SLC24A3: variants seen among roughly 807,000 people sequenced by gnomAD.
SLC24A3 encodes solute carrier family 24 member 3.
SLC24A3 carries 28 observed loss-of-function variants against 75.8 expected under a neutral mutation model. The ratio of observed to expected loss-of-function variants is 0.37; its 90% CI spans 0.27 to 0.51. The LOEUF is 0.51. SLC24A3 is among the 20% of genes least tolerant of loss of function. The pLI is 0.94. For missense variants in SLC24A3, 663 were observed against 847.8 expected (o/e 0.78, Z 2.71); for synonymous variants, 372 against 334.1 (o/e 1.11, Z -1.24).
intron 2 of SLC24A3, among the ~76,000 whole-genome samples, chr20:19,379,174 T>C (rs781710703): frequency 6.6e-6 from 1 of 152,180 alleles, no homozygotes; most frequent in African/African-American, 2.4e-5. Context: ...TTTCATCATA[T>C]GTCCTGGGCA....
chr20:19,402,877 T>G (rs564324640), intron 2 of SLC24A3, among the ~76,000 whole-genome samples: 2 of 152,352 alleles, frequency 1.3e-5, no homozygotes, highest in East Asian at 3.9e-4. Flanking sequence ...GTGGGCATGG[T>G]CTGCCCCAGT....
rs530339291 is a variant in SLC24A3 at position 19,482,650 on chromosome 20, G to T, written c.272-32838G>T. On this transcript the variant is annotated intron_variant, in intron 2 of 16. Transcript: ENST00000328041. ...TGAATAAATGAGTGAATGATTCAAT[G>T]AATGGAGCAAGCCTGAGATAGCCTC... Among the ~76,000 whole-genome samples, 25 of 152,352 alleles carry T rather than the reference G, an allele frequency of 1.6e-4. 1 individual carries two copies. In the East Asian group the frequency reaches 4.8e-3, roughly 29 times the overall value.
chr20:19,434,626 C>A (rs975449016), intron 2 of SLC24A3, among the ~76,000 whole-genome samples: 2 of 152,198 alleles, frequency 1.3e-5, no homozygotes, highest in African/African-American at 4.8e-5. Context: ...CTACCATTCT[C>A]TTTTTTTCTC....
intron 3 of SLC24A3, among the ~76,000 whole-genome samples, chr20:19,553,979 A>G (rs1195105820): frequency 6.6e-6 from 1 of 152,216 alleles, no homozygotes; most frequent in Non-Finnish European, 1.5e-5. Context: ...CAGAAAAGGC[A>G]GAAATTGACT....
intron 12 of SLC24A3, among the ~76,000 whole-genome samples, chr20:19,688,546 A>G (rs891427336): frequency 1.3e-5 from 2 of 152,252 alleles, no homozygotes; most frequent in Non-Finnish European, 2.9e-5. Context: ...TCCGGCCAGC[A>G]GAGGGCATTG....
intron 3 of SLC24A3, among the ~76,000 whole-genome samples, chr20:19,559,855 A>G (rs1204435813): frequency 6.6e-6 from 1 of 152,136 alleles, no homozygotes; most frequent in East Asian, 1.9e-4. Context: ...CAAACCCTAG[A>G]TGAGGACTTG....
intron 15 of SLC24A3, among the ~76,000 whole-genome samples, chr20:19,715,815 C>T (rs2033039766): frequency 6.6e-6 from 1 of 152,198 alleles, no homozygotes; most frequent in Non-Finnish European, 1.5e-5. Flanking sequence ...AAACAATGCA[C>T]AAATCAACCA....
chr20:19,297,627 G>A (rs1035220381), intron 2 of SLC24A3, among the ~76,000 whole-genome samples: 6 of 152,172 alleles, frequency 3.9e-5, no homozygotes, highest in African/African-American at 1.4e-4. Flanking sequence ...CATACATGTA[G>A]ATACACATCT....
rs141991085 is a variant in SLC24A3 at position 19,441,240 on chromosome 20, G to A, written c.272-74248G>A. On this transcript the variant is annotated intron_variant, in intron 2 of 16. Transcript: ENST00000328041. The stretch of plus-strand genomic sequence containing the variant: ...TGACAAACTCGGTGACCTTGGTTAC[G>A]TTATCTCATCTTCTTGGACCCCGGC... Among the ~76,000 whole-genome samples, 794 of 152,212 alleles carry A rather than the reference G, an allele frequency of 5.2e-3. 3 individuals carry two copies. The highest frequency in any genetic ancestry group is 8.0e-3 in the Non-Finnish European group (546 of 68,006).
At chr20:19,472,929 C>T (rs143365312) in intron 2 of SLC24A3, among the ~76,000 whole-genome samples, 15 of 152,302 alleles carry the variant, frequency 9.8e-5, no homozygotes, top group Admixed American at 3.9e-4. Context: ...CTTGTAAGAA[C>T]GAGGCTGGGA....
At chr20:19,720,864 A>T in intron 16 of SLC24A3, 127 bp from the exon 17 acceptor site, 1 of 973,414 alleles carries the variant, frequency 1.0e-6, no homozygotes, top group Admixed American at 2.9e-5. Context: ...AGGCTCAGAG[A>T]GGATCAGCAC....
At chr20:19,682,870 G>A (rs954674661) in intron 10 of SLC24A3, among the ~76,000 whole-genome samples, 2 of 152,106 alleles carry the variant, frequency 1.3e-5, no homozygotes, top group African/African-American at 4.8e-5. Context: ...AGACACTAAG[G>A]GAAATTAGAT....
At chr20:19,599,924 T>C (rs1050002978) in intron 6 of SLC24A3, among the ~76,000 whole-genome samples, 1 of 152,166 alleles carries the variant, frequency 6.6e-6, no homozygotes, top group Non-Finnish European at 1.5e-5. Context: ...GATTCTTCTA[T>C]GACCCGCGGA....
At chr20:19,219,814 A>G (rs919594325) in intron 1 of SLC24A3, among the ~76,000 whole-genome samples, 1 of 152,228 alleles carries the variant, frequency 6.6e-6, no homozygotes, top group Non-Finnish European at 1.5e-5. Context: ...AAATTAAAAC[A>G]TGGGCTCACA....
intron 3 of SLC24A3, among the ~76,000 whole-genome samples, chr20:19,560,411 G>C (rs193057335): frequency 6.6e-5 from 10 of 152,352 alleles, no homozygotes; most frequent in Admixed American, 3.9e-4. Context: ...CATGGGCTGA[G>C]AAAAGTTCTC....
intron 2 of SLC24A3, among the ~76,000 whole-genome samples, chr20:19,432,023 G>A (rs6046088): frequency 0.092 from 13,918 of 152,020 alleles, 1,858 homozygotes; most frequent in African/African-American, 0.29. Flanking sequence ...AGTGACTCAG[G>A]GGGAAGATGC....
At position 19,652,658 on chromosome 20, in the gene SLC24A3, G is replaced by A. The variant is rs185911376; in HGVS notation, c.613-1404G>A. Among the ~76,000 whole-genome samples, 433 of 152,314 alleles carry A rather than the reference G, an allele frequency of 2.8e-3. 1 individual carries two copies. The highest frequency in any genetic ancestry group is 9.4e-3 in the African/African-American group (389 of 41,580). On this transcript the variant is annotated intron_variant, in intron 6 of 16. Coordinates refer to ENST00000328041, the MANE Select transcript of SLC24A3 (RefSeq NM_020689.4). The stretch of plus-strand genomic sequence containing the variant: ...TGTTCATATAGGAAGTGGGGAATGC[G>A]TTAATGGAAAGAGACTGGCCTTGTT...
At chr20:19,302,713 A>G (rs575667093) in intron 2 of SLC24A3, among the ~76,000 whole-genome samples, 1 of 152,170 alleles carries the variant, frequency 6.6e-6, no homozygotes, top group Admixed American at 6.5e-5. Context: ...TTGTTTTACT[A>G]TATTAATATT....
At chr20:19,537,343 A>T (rs929656824) in intron 3 of SLC24A3, among the ~76,000 whole-genome samples, 12 of 152,194 alleles carry the variant, frequency 7.9e-5, no homozygotes, top group African/African-American at 2.9e-4. Flanking sequence ...TCTCACTCCA[A>T]TTAGAATGGC....
Sources: gnomAD v4.1 joint callset for allele counts (sites outside exome capture counted in the v4.1 genomes callset) on GRCh38, gnomAD v4.1.1 for gene constraint, MANE v1.5 for transcripts, NCBI Gene and HGNC (gene_info 2026-07-23, HGNC 2026-07-21) for gene names.